The following SPATA13 variants were observed in gnomAD, a reference collection of about 807,000 sequenced individuals.
SPATA13 encodes spermatogenesis associated 13, also known as spermatogenesis-associated protein 13.
In SPATA13, 50 loss-of-function variants were observed where a neutral mutation model predicts 104.0. The ratio of observed to expected loss-of-function variants is 0.48; its 90% CI spans 0.38 to 0.61. SPATA13 has a LOEUF of 0.61. Ranked by LOEUF, SPATA13 falls within the 20% of genes least tolerant of loss-of-function variation. The pLI is 0.00. For missense variants in SPATA13, 1,524 were observed against 1,690.6 expected (o/e 0.90, Z 1.73); for synonymous variants, 606 against 667.5 (o/e 0.91, Z 1.42).
intron 4 of SPATA13, chr13:24,278,570 G>C: frequency 7.6e-7 from 1 of 1,318,666 alleles, no homozygotes; most frequent in Non-Finnish European, 9.8e-7. Context: ...GAGCTACCAC[G>C]CCCAGCCACA....
At chr13:24,232,455 G>A (rs1017387255) in intron 2 of SPATA13, among the ~76,000 whole-genome samples, 1 of 152,172 alleles carries the variant, frequency 6.6e-6, no homozygotes, top group Non-Finnish European at 1.5e-5. Context: ...CAGCCTTCTG[G>A]GGATTCTTTC....
At chr13:24,160,090 A>G (rs557982662), upstream of SPATA13, among the ~76,000 whole-genome samples, 4 of 152,282 alleles carry the variant, frequency 2.6e-5, no homozygotes, top group South Asian at 6.2e-4. Context: ...CCTGGGAAAC[A>G]TGTAGGTTTA....
At chr13:24,122,931 T>C in intron 3 of SPATA13, 1 of 779,592 alleles carries the variant, frequency 1.3e-6, no homozygotes, top group Non-Finnish European at 2.4e-6. Context: ...TTAATGATCT[T>C]CAGCTACACT....
intron 11 of SPATA13, 24 bp from the exon 12 acceptor site, chr13:24,300,377 T>C (rs1336393885): frequency 1.3e-6 from 2 of 1,599,482 alleles, no homozygotes; most frequent in East Asian, 4.5e-5. Flanking sequence ...TCTGAATATA[T>C]ATCACATTTA....
intron 1 of SPATA13, among the ~76,000 whole-genome samples, chr13:24,197,607 A>G (rs1293340204): frequency 6.6e-6 from 1 of 152,226 alleles, no homozygotes; most frequent in Non-Finnish European, 1.5e-5. Flanking sequence ...AAAAAAAGAA[A>G]TCTGAAGATT....
At chr13:24,084,461 C>T (rs1879655570) in intron 3 of SPATA13, among the ~76,000 whole-genome samples, 1 of 152,180 alleles carries the variant, frequency 6.6e-6, no homozygotes, top group Non-Finnish European at 1.5e-5. Flanking sequence ...ACACTTTTTG[C>T]ACCCTGACTC....
At chr13:24,116,196 G>C (rs1191819258) in intron 3 of SPATA13, among the ~76,000 whole-genome samples, 2 of 152,196 alleles carry the variant, frequency 1.3e-5, no homozygotes, top group Non-Finnish European at 2.9e-5. Context: ...GTGGCAGCAG[G>C]TTCAGCGTCT....
intron 3 of SPATA13, among the ~76,000 whole-genome samples, chr13:24,149,381 T>A (rs532742544): frequency 6.6e-6 from 1 of 152,290 alleles, no homozygotes; most frequent in Non-Finnish European, 1.5e-5. Flanking sequence ...GAAATACGCA[T>A]CTCACTGTGG....
intron 3 of SPATA13, among the ~76,000 whole-genome samples, chr13:24,141,091 C>G (rs945076829): frequency 6.6e-6 from 1 of 151,616 alleles, no homozygotes; most frequent in African/African-American, 2.4e-5. Context: ...AGGAGAATTG[C>G]TTGAACCCGG....
At chr13:23,996,415 A>AG (rs1566066037) in intron 2 of SPATA13, among the ~76,000 whole-genome samples, 26 of 151,912 alleles carry the variant, frequency 1.7e-4, no homozygotes, top group African/African-American at 5.6e-4. Flanking sequence ...TGGGCAAAAA[A>AG]CGATCTGCAA....
At chr13:23,985,535 T>G (rs1160844545) in intron 2 of SPATA13, among the ~76,000 whole-genome samples, 1 of 152,178 alleles carries the variant, frequency 6.6e-6, no homozygotes, top group African/African-American at 2.4e-5. Context: ...GTGAGAGTGG[T>G]TCAGGAAATC....
chr13:24,185,046 G>A (rs1869060449), intron 1 of SPATA13, among the ~76,000 whole-genome samples: 1 of 152,184 alleles, frequency 6.6e-6, no homozygotes, highest in Admixed American at 6.5e-5. Flanking sequence ...CGAGCATTGT[G>A]TTTTGCTTCT....
chr13:24,037,775 G>A (rs1481841634), intron 3 of SPATA13, among the ~76,000 whole-genome samples: 1 of 151,872 alleles, frequency 6.6e-6, no homozygotes, highest in East Asian at 1.9e-4. Context: ...TCTTAATCTG[G>A]GGTTCGTGGA....
intron 3 of SPATA13, among the ~76,000 whole-genome samples, chr13:24,107,524 C>G (rs974704125): frequency 1.6e-4 from 24 of 152,312 alleles, no homozygotes; most frequent in East Asian, 1.5e-3. Flanking sequence ...CAAATAGTGT[C>G]AATTCTGAGT....
intron 1 of SPATA13, among the ~76,000 whole-genome samples, chr13:24,193,707 A>G (rs759209534): frequency 6.6e-5 from 10 of 152,208 alleles, no homozygotes; most frequent in Non-Finnish European, 1.0e-4. Flanking sequence ...GCACTTAGCT[A>G]TGCTTTAGCA....
chr13:24,295,453 G>A (rs1445768806), intron 10 of SPATA13, among the ~76,000 whole-genome samples: 2 of 151,872 alleles, frequency 1.3e-5, no homozygotes, highest in Non-Finnish European at 2.9e-5. Flanking sequence ...TCTACAAAAA[G>A]TAAAAAAAAT....
At chr13:24,136,267 G>A (rs1373520846) in intron 3 of SPATA13, among the ~76,000 whole-genome samples, 31 of 152,038 alleles carry the variant, frequency 2.0e-4, no homozygotes, top group African/African-American at 7.2e-4. Context: ...ACCTGAGGTC[G>A]GGAGTTTGAG....
chr13:24,185,032 G>T (rs1869058400), intron 1 of SPATA13, among the ~76,000 whole-genome samples: 1 of 152,176 alleles, frequency 6.6e-6, no homozygotes, highest in South Asian at 2.1e-4. Flanking sequence ...AAAGGCACGT[G>T]TATCGAGCAT....
chr13:24,110,946 G>A (rs1170175674), intron 3 of SPATA13, among the ~76,000 whole-genome samples: 2 of 150,928 alleles, frequency 1.3e-5, no homozygotes, highest in East Asian at 3.9e-4. Flanking sequence ...TTGAGGTGGA[G>A]TCTTGCTCTT....
Sources: gnomAD v4.1 joint callset for allele counts (sites outside exome capture counted in the v4.1 genomes callset) on GRCh38, gnomAD v4.1.1 for gene constraint, MANE v1.5 for transcripts, NCBI Gene and HGNC (gene_info 2026-07-23, HGNC 2026-07-21) for gene names.